The following ODAD2 variants were observed in gnomAD, a reference collection of about 807,000 sequenced individuals.
The protein encoded by ODAD2 is outer dynein arm-docking complex subunit 2.
ODAD2 carries 89 observed loss-of-function variants against 106.8 expected under a neutral mutation model. That is an observed-to-expected ratio of 0.83 (90% CI 0.70 to 0.99). The LOEUF (loss-of-function observed/expected upper bound fraction) is 0.99, where lower values mean the gene tolerates loss of function less well. Among genes scored for constraint, ODAD2 ranks in the 50% least tolerant of loss-of-function variants. ODAD2 has a pLI of 0.00. For synonymous variants in ODAD2, 404 were observed against 436.2 expected, an observed-to-expected ratio of 0.93 and a Z score of 0.92; for missense variants, 1,168 against 1,238.5, an observed-to-expected ratio of 0.94 and a Z score of 0.85.
intron 10 of ODAD2, 47 bp downstream of exon 10, chr10:27,961,521 G>C: frequency 6.6e-6 from 10 of 1,525,284 alleles, no homozygotes; most frequent in Non-Finnish European, 8.9e-6. Flanking sequence ...CTTTGGGAAA[G>C]TATTTTAAAT....
chr10:27,906,852 G>A (rs1046457400), intron 17 of ODAD2, among the ~76,000 whole-genome samples: 19 of 152,042 alleles, frequency 1.2e-4, no homozygotes, highest in East Asian at 5.8e-4. Context: ...ATCACACATC[G>A]GGGCCTGTCA....
In ODAD2 at chr10:27,835,434, C is replaced by T. The variant is rs564562978; in HGVS notation, c.3022-22809G>A. On this transcript the variant is annotated intron_variant, in intron 19 of 19. Transcript: ENST00000305242. ...ATAACAACAACAACCGCTGCAGCAA[C>T]ATTCAGATACACCCACTGTGAGGCA... is the stretch of plus-strand genomic sequence containing the variant. Among the ~76,000 whole-genome samples the T allele has an allele frequency of 3.3e-5, 5 of 152,318 alleles. No homozygotes were observed. The South Asian group carries it at 1.0e-3, about 32-fold the overall frequency.
chr10:27,998,347 A>AG (rs1171237640), intron 1 of ODAD2, among the ~76,000 whole-genome samples: 7 of 152,150 alleles, frequency 4.6e-5, no homozygotes, highest in African/African-American at 1.7e-4. Context: ...CGTTACAAGA[A>AG]GGGGGCGTCA....
At position 27,998,136 on chromosome 10, in the gene ODAD2, C is replaced by T. The variant is rs140701635; in HGVS notation, c.-39+858G>A. On this transcript the variant is annotated intron_variant, in intron 1 of 19. Transcript: ENST00000305242. ...CACAACCGAATTCTTTAGGGGGCTA[C>T]GGAAAGGCAGCCATCAGCTCTGAGA... Among the ~76,000 whole-genome samples, 1,061 of 152,300 alleles carry T rather than the reference C, an allele frequency of 7.0e-3. 7 individuals carry two copies. The highest frequency in any genetic ancestry group is 0.01 in the Non-Finnish European group (685 of 68,028).
intron 2 of ODAD2, among the ~76,000 whole-genome samples, chr10:27,988,284 A>T (rs1384648190): frequency 1.3e-5 from 2 of 150,714 alleles, no homozygotes; most frequent in African/African-American, 4.9e-5. Context: ...TAGGTTTTGT[A>T]TTACAGGAGG....
chr10:27,869,561 G>A (rs546228337), intron 17 of ODAD2, among the ~76,000 whole-genome samples: 9 of 145,204 alleles, frequency 6.2e-5, no homozygotes, highest in Admixed American at 5.6e-4. Flanking sequence ...TTGAGATGGA[G>A]TTTCACTCTT....
chr10:27,940,159 GAATT>G, intron 13 of ODAD2, 152 bp from the exon 14 acceptor site: 2 of 581,186 alleles, frequency 3.4e-6, no homozygotes, highest in South Asian at 2.3e-5. Context: ...AGAATCAACT[GAATT>G]AATATACACA....
Position 27,993,959 on chromosome 10 carries a change from A to AAT in ODAD2, c.224+958_224+959dup, listed in dbSNP as rs33977457. ...GGTGCAAAATAAACTGAGGCTGGCA[A>AAT]ATATATATATATATATGTGTGTGTG... On this transcript the variant is annotated intron_variant, in intron 2 of 19. Transcript: ENST00000305242. Among the ~76,000 whole-genome samples the AAT allele has an allele frequency of 3.9e-3, 511 of 129,676 alleles. 2 individuals carry two copies. The highest frequency in any genetic ancestry group is 8.7e-3 in the Admixed American group (102 of 11,706). The allele number at this position is 129,676 out of a possible 152,430, so 85.1% of individuals were successfully genotyped here. A position where few individuals can be genotyped will look rare whatever the true frequency, so the allele number is the denominator to read the frequency against.
Position 27,885,746 on chromosome 10 carries a change from ATATAATATATATTTTATATATAT to A in ODAD2, c.2610+21894_2610+21916del, listed in dbSNP as rs1398634412. Among the ~76,000 whole-genome samples the A allele has an allele frequency of 2.2e-4, 13 of 58,190 alleles. 1 individual carries two copies. Among genetic ancestry groups the A allele is most frequent in the African/African-American group, 8.7e-4 (13 of 14,944 alleles). The allele number at this position is 58,190 out of a possible 152,430, so 38.2% of individuals were successfully genotyped here. A position where few individuals can be genotyped will look rare whatever the true frequency, so the allele number is the denominator to read the frequency against. ...TTATATATAAAATATATTATGTTAT[ATATAATATATATTTTATATATAT>A]TATATAAAATATATATTATATATAA... On this transcript the variant is annotated intron_variant, in intron 17 of 19. Coordinates refer to ENST00000305242, the MANE Select transcript of ODAD2 (RefSeq NM_018076.5).
At chr10:27,864,123 T>C (rs1231494731) in intron 17 of ODAD2, among the ~76,000 whole-genome samples, 3 of 151,744 alleles carry the variant, frequency 2.0e-5, no homozygotes, top group African/African-American at 7.3e-5. Context: ...CTAGACCACA[T>C]GGGAAGTGGT....
At chr10:27,943,656 G>A (rs191626556) in intron 12 of ODAD2, among the ~76,000 whole-genome samples, 63 of 151,504 alleles carry the variant, frequency 4.2e-4, no homozygotes, top group African/African-American at 1.2e-3. Context: ...GCTTGATGGC[G>A]GGCACCTGTA....
intron 19 of ODAD2, among the ~76,000 whole-genome samples, chr10:27,860,380 G>C (rs987554317): frequency 6.6e-6 from 1 of 152,090 alleles, no homozygotes; most frequent in African/African-American, 2.4e-5. Flanking sequence ...TTGAGCCCAG[G>C]AGTTCAAGGC....
upstream of ODAD2, among the ~76,000 whole-genome samples, chr10:27,999,541 T>C (rs1015769091): frequency 6.6e-6 from 1 of 152,134 alleles, no homozygotes; most frequent in Non-Finnish European, 1.5e-5. Context: ...AATGAAAACA[T>C]GTCCCCCATC....
At position 27,998,687 on chromosome 10, in the gene ODAD2, G is replaced by C. The variant is rs552973083; in HGVS notation, c.-39+307C>G. Among the ~76,000 whole-genome samples the C allele has an allele frequency of 1.0e-3, 155 of 152,252 alleles. 1 individual carries two copies. The highest frequency in any genetic ancestry group is 3.7e-3 in the African/African-American group (154 of 41,570). ...GGGTCTTGGTCCCCGGGAGGGAAAG[G>C]GGAGCAGGCGAGAGCGGCAGCGGCG... On this transcript the variant is annotated intron_variant, in intron 1 of 19. Transcript: ENST00000305242.
intron 7 of ODAD2, among the ~76,000 whole-genome samples, chr10:27,978,526 C>T (rs1331089747): frequency 6.6e-6 from 1 of 152,130 alleles, no homozygotes; most frequent in Non-Finnish European, 1.5e-5. Flanking sequence ...GGCATGGTGG[C>T]TCACACCTGT....
chr10:27,964,542 C>T (rs1435019050), intron 9 of ODAD2, among the ~76,000 whole-genome samples: 1 of 152,190 alleles, frequency 6.6e-6, no homozygotes, highest in Non-Finnish European at 1.5e-5. Flanking sequence ...TTGAAGAATG[C>T]TGTCTTTCGG....
At chr10:27,948,779 A>ATTTTTTTTTTTTT (rs11451204) in intron 10 of ODAD2, among the ~76,000 whole-genome samples, 1 of 40,316 alleles carries the variant, frequency 2.5e-5, no homozygotes, top group Non-Finnish European at 4.2e-5. Flanking sequence ...TGGCCTTTGG[A>ATTTTTTTTTTTTT]TTTTTTTTTT....
chr10:27,952,602 G>A (rs1847436807), intron 10 of ODAD2, among the ~76,000 whole-genome samples: 1 of 152,050 alleles, frequency 6.6e-6, no homozygotes, highest in Non-Finnish European at 1.5e-5. Context: ...CTGTGTCCAT[G>A]TGTTCTCATT....
intron 1 of ODAD2, among the ~76,000 whole-genome samples, chr10:27,996,679 C>T (rs1850575629): frequency 6.6e-6 from 1 of 152,084 alleles, no homozygotes; most frequent in African/African-American, 2.4e-5. Context: ...TTGTAGCTAC[C>T]ATAAACGAAA....
Sources: gnomAD v4.1 joint callset for allele counts (sites outside exome capture counted in the v4.1 genomes callset) on GRCh38, gnomAD v4.1.1 for gene constraint, MANE v1.5 for transcripts, NCBI Gene and HGNC (gene_info 2026-07-23, HGNC 2026-07-21) for gene names.